TMTC1: variants seen among roughly 807,000 people sequenced by gnomAD.
TMTC1 encodes protein O-mannosyl-transferase TMTC1.
In TMTC1, 73 loss-of-function variants were observed where a neutral mutation model predicts 104.8. That is an observed-to-expected ratio of 0.70 (90% CI 0.58 to 0.85). TMTC1 has a LOEUF of 0.85. Among genes scored for constraint, TMTC1 ranks in the 40% least tolerant of loss-of-function variants. TMTC1 has a pLI of 0.00. For missense variants in TMTC1, 1,035 were observed against 1,096.1 expected, an observed-to-expected ratio of 0.94 and a Z score of 0.79; for synonymous variants, 434 against 428.7, an observed-to-expected ratio of 1.01 and a Z score of -0.15.
intron 5 of TMTC1, among the ~76,000 whole-genome samples, chr12:29,642,508 GAA>G (rs991108623): frequency 1.3e-5 from 2 of 151,162 alleles, no homozygotes; most frequent in Admixed American, 1.3e-4. Flanking sequence ...CATATATGAA[GAA>G]AAAAAAGTCT....
rs139974018 is a variant in TMTC1 at position 29,758,750 on chromosome 12, C to T, written c.508G>A (p.Val170Met). 1.1e-4 allele frequency: 184 copies of T among 1,611,472 alleles called. No homozygotes were observed. The highest frequency in any genetic ancestry group is 4.9e-4 in the African/African-American group (37 of 74,774). ...AVAGIVGRAD[V>M]LACLLFLLAF... ...AATAGAAACAGCAGACACGCTAACACGTCCGCTCTGCCAACGATCCCAGCC... is the reference window on the plus strand; with the variant it reads ...AATAGAAACAGCAGACACGCTAACATGTCCGCTCTGCCAACGATCCCAGCC... Residue 170 changes from valine (V) to methionine (M), a missense_variant, in exon 3 of 18, where the codon GTG (valine) becomes ATG (methionine). By Grantham distance (21) the Val-to-Met change is conservative (BLOSUM62 1). Coordinates refer to ENST00000539277, the MANE Select transcript of TMTC1 (RefSeq NM_001193451.2).
chr12:29,656,817 T>C (rs1017324353), intron 5 of TMTC1, among the ~76,000 whole-genome samples: 1 of 152,160 alleles, frequency 6.6e-6, no homozygotes, highest in Non-Finnish European at 1.5e-5. Context: ...AATGGTTGGC[T>C]CAAGGTACTA....
chr12:29,668,616 A>G (rs549417932), intron 5 of TMTC1, among the ~76,000 whole-genome samples: 1 of 152,064 alleles, frequency 6.6e-6, no homozygotes, highest in Non-Finnish European at 1.5e-5. Context: ...ACATGCCACC[A>G]TGCCTGGCTA....
chr12:29,526,606 T>C (rs1944352869), intron 11 of TMTC1, among the ~76,000 whole-genome samples: 1 of 152,168 alleles, frequency 6.6e-6, no homozygotes, highest in Non-Finnish European at 1.5e-5. Flanking sequence ...ATCTTTAAGT[T>C]ATCAGAAACC....
upstream of TMTC1, among the ~76,000 whole-genome samples, chr12:29,784,051 C>G (rs1943903461): frequency 6.6e-6 from 1 of 151,808 alleles, no homozygotes; most frequent in Non-Finnish European, 1.5e-5. Context: ...GGCCGGTTCC[C>G]CCGCACAGCC....
intron 9 of TMTC1, among the ~76,000 whole-genome samples, chr12:29,558,696 C>T (rs931067062): frequency 3.9e-5 from 6 of 152,164 alleles, no homozygotes; most frequent in African/African-American, 9.7e-5. Context: ...AGCCAGCACA[C>T]GCGCTGTTGT....
At chr12:29,702,708 A>G (rs1941630564) in intron 5 of TMTC1, among the ~76,000 whole-genome samples, 1 of 152,196 alleles carries the variant, frequency 6.6e-6, no homozygotes, top group Non-Finnish European at 1.5e-5. Context: ...GGCAGCCTTG[A>G]GTATGCCGGC....
intron 7 of TMTC1, among the ~76,000 whole-genome samples, chr12:29,586,792 A>C (rs1322442226): frequency 2.7e-5 from 4 of 149,232 alleles, no homozygotes; most frequent in Admixed American, 2.6e-4. Context: ...AGCCCACTTG[A>C]TCATGGTGGA....
At chr12:29,510,361 A>G (rs1035967072) in intron 17 of TMTC1, among the ~76,000 whole-genome samples, 1 of 152,228 alleles carries the variant, frequency 6.6e-6, no homozygotes, top group African/African-American at 2.4e-5. Flanking sequence ...TCTTGGACCA[A>G]AATGATGTCA....
chr12:29,619,030 T>C (rs1947061505), intron 6 of TMTC1, among the ~76,000 whole-genome samples: 1 of 152,112 alleles, frequency 6.6e-6, no homozygotes, highest in Admixed American at 6.5e-5. Flanking sequence ...CTCTGAGTAA[T>C]AATATAGACT....
At chr12:29,639,498 A>G (rs1938729864) in intron 5 of TMTC1, among the ~76,000 whole-genome samples, 1 of 152,246 alleles carries the variant, frequency 6.6e-6, no homozygotes, top group Non-Finnish European at 1.5e-5. Flanking sequence ...GTCAAATGTC[A>G]GTGAGGATGA....
intron 1 of TMTC1, among the ~76,000 whole-genome samples, chr12:29,782,217 C>T (rs1943850054): frequency 6.6e-6 from 1 of 152,252 alleles, no homozygotes; most frequent in African/African-American, 2.4e-5. Flanking sequence ...GAACAAATGT[C>T]TATAACACAT....
rs1381074240 is a variant in TMTC1, at chr12:29,783,688, A to G, written c.64T>C (p.Cys22Arg). The change falls in exon 1 of 18, where the codon TGC becomes CGC. Residue 22 changes from cysteine to arginine, a missense_variant. By Grantham distance (180) the Cys-to-Arg change is radical (BLOSUM62 -3). Coordinates refer to ENST00000539277, the MANE Select transcript of TMTC1 (RefSeq NM_001193451.2). The surrounding 1 kb of genome is among the most constrained non-coding windows in gnomAD (Gnocchi z 4.7). ...GDRTPSRRRG[C>R]GLAPAGAAAL... ...GCGGCCCCGGCCGGCGCTAGCCCGC[A>G]GCCCCGCCGCCGGGAGGGTGTGCGG... is the stretch of plus-strand genomic sequence containing the variant. 11 of 1,274,454 alleles carry G rather than the reference A, an allele frequency of 8.6e-6. No individual in the cohort carries two copies. The Admixed American group carries it at 3.8e-4, about 44-fold the overall frequency. 78.9% of individuals were successfully genotyped at this position (1,274,454 alleles called of 1,614,324 possible). A position where few individuals can be genotyped will look rare whatever the true frequency, so the allele number is the denominator to read the frequency against.
At chr12:29,617,386 T>C (rs533278484) in intron 6 of TMTC1, among the ~76,000 whole-genome samples, 164 of 152,282 alleles carry the variant, frequency 1.1e-3, no homozygotes, top group African/African-American at 3.7e-3. Context: ...ATATGTTTCA[T>C]TGCCATCTAA....
rs12303679 is a variant in TMTC1, at chr12:29,585,735, G to A, written c.1251-2161C>T. Among the ~76,000 whole-genome samples, 690 of 152,298 alleles carry A rather than the reference G, an allele frequency of 4.5e-3. 4 individuals are homozygous for A. Among genetic ancestry groups the A allele is most frequent in the African/African-American group, 0.015 (643 of 41,566 alleles). The stretch of plus-strand genomic sequence containing the variant: ...ATTGCTTTTTGTCAGGTTTGTCAAA[G>A]ATCAGATAGTTGTAGATATGCAGCA... On this transcript the variant is annotated intron_variant, in intron 7 of 17. Coordinates refer to ENST00000539277, the MANE Select transcript of TMTC1 (RefSeq NM_001193451.2).
chr12:29,544,639 C>T (rs1011808534), intron 10 of TMTC1, among the ~76,000 whole-genome samples: 8 of 152,172 alleles, frequency 5.3e-5, no homozygotes, highest in Admixed American at 2.0e-4. Flanking sequence ...CGCATGGGGG[C>T]GGGCTGGGAT....
intron 5 of TMTC1, among the ~76,000 whole-genome samples, chr12:29,682,370 T>C (rs1940948117): frequency 2.0e-5 from 3 of 152,080 alleles, no homozygotes; most frequent in Admixed American, 2.0e-4. Context: ...AGCCCATCAG[T>C]TGCACTCCTG....
At chr12:29,710,059 T>C (rs573761264) in intron 5 of TMTC1, among the ~76,000 whole-genome samples, 3 of 141,890 alleles carry the variant, frequency 2.1e-5, no homozygotes, top group African/African-American at 7.5e-5. Context: ...CTATACCCTG[T>C]TAGACTCACT....
chr12:29,590,501 G>T (rs11837554), intron 7 of TMTC1, among the ~76,000 whole-genome samples: 36,030 of 152,032 alleles, frequency 0.24, 7,280 homozygotes, highest in African/African-American at 0.55. Flanking sequence ...AAAAATCCAC[G>T]TGTGGCCAGG....
Sources: allele counts gnomAD v4.1 joint callset (sites outside exome capture counted in the v4.1 genomes callset), GRCh38; gene constraint gnomAD v4.1.1; non-coding constraint Gnocchi (gnomAD v3.1); transcripts MANE v1.5; gene names NCBI Gene and HGNC (gene_info 2026-07-23, HGNC 2026-07-21).